Variants in DISC1 observed in about 807,000 individuals in gnomAD.
DISC1 encodes the protein disrupted in schizophrenia 1 protein.
Under a neutral mutation model 84.5 loss-of-function variants are expected in DISC1, and 57 were observed. The observed-to-expected ratio is 0.67, with a 90% confidence interval of 0.55 to 0.84. DISC1 has a LOEUF of 0.84. DISC1 is among the 40% of genes least tolerant of loss of function. The pLI is 0.00. For synonymous variants in DISC1, 411 were observed against 415.2 expected, an observed-to-expected ratio of 0.99 and a Z score of 0.12; for missense variants, 1,000 against 1,057.8, an observed-to-expected ratio of 0.95 and a Z score of 0.76.
chr1:231,818,910 A>C, intron 9 of DISC1: 1 of 1,019,734 alleles, frequency 9.8e-7, no homozygotes, highest in Non-Finnish European at 1.2e-6. Flanking sequence ...GATCTGAGAA[A>C]ATTGAGGGAA....
intron 7 of DISC1, among the ~76,000 whole-genome samples, chr1:231,798,969 G>A (rs2078982494): frequency 1.3e-5 from 2 of 151,936 alleles, no homozygotes; most frequent in African/African-American, 2.4e-5. Flanking sequence ...GATTCTTCTG[G>A]GAAATTAAAT....
At chr1:232,006,384 G>A (rs1433488911) in intron 10 of DISC1, among the ~76,000 whole-genome samples, 4 of 152,038 alleles carry the variant, frequency 2.6e-5, no homozygotes, top group African/African-American at 9.7e-5. Context: ...AGGCTGAGGT[G>A]GTATCAGATG....
intron 9 of DISC1, among the ~76,000 whole-genome samples, chr1:231,947,609 G>C (rs1299660284): frequency 6.6e-6 from 1 of 152,176 alleles, no homozygotes; most frequent in African/African-American, 2.4e-5. Context: ...TGACAAATGG[G>C]ATCTAATTAA....
chr1:231,969,572 C>T (rs991179689), intron 10 of DISC1, among the ~76,000 whole-genome samples: 1 of 147,126 alleles, frequency 6.8e-6, no homozygotes, highest in Non-Finnish European at 1.5e-5. Context: ...GAAGATACTC[C>T]AATATACTTG....
intron 1 of DISC1, among the ~76,000 whole-genome samples, chr1:231,681,061 A>G (rs1184707366): frequency 1.3e-5 from 2 of 152,336 alleles, no homozygotes; most frequent in African/African-American, 4.8e-5. Flanking sequence ...CAGTTAAAAA[A>G]TTCATTAGAG....
intron 9 of DISC1, among the ~76,000 whole-genome samples, chr1:231,936,229 C>T (rs1055560634): frequency 5.9e-5 from 9 of 152,140 alleles, no homozygotes; most frequent in South Asian, 4.1e-4. Context: ...CTTGGACATT[C>T]GGCCCAGCCA....
At chr1:231,705,930 T>G (rs2067039301) in intron 3 of DISC1, among the ~76,000 whole-genome samples, 1 of 152,164 alleles carries the variant, frequency 6.6e-6, no homozygotes, top group African/African-American at 2.4e-5. Context: ...TTTTGCTGCT[T>G]TTTTCTTTTG....
intron 9 of DISC1, among the ~76,000 whole-genome samples, chr1:231,895,549 T>C (rs980843847): frequency 1.3e-5 from 2 of 152,088 alleles, no homozygotes; most frequent in African/African-American, 2.4e-5. Context: ...TAAATTCAGA[T>C]CAATAAGGTT....
intron 1 of DISC1, among the ~76,000 whole-genome samples, chr1:231,657,614 G>A (rs1037891083): frequency 6.6e-6 from 1 of 152,044 alleles, no homozygotes. Context: ...ATAGTTTTGG[G>A]TTTTACACTT....
At chr1:231,790,102 C>A (rs1483122660) in intron 6 of DISC1, among the ~76,000 whole-genome samples, 1 of 152,088 alleles carries the variant, frequency 6.6e-6, no homozygotes, top group African/African-American at 2.4e-5. Context: ...CCCACAGTCT[C>A]CCAGTTGGGC....
intron 9 of DISC1, among the ~76,000 whole-genome samples, chr1:231,868,735 T>TATATATATATATATATATATATATATATA (rs2085244887): frequency 8.3e-6 from 1 of 120,624 alleles, no homozygotes; most frequent in Non-Finnish European, 1.7e-5. Context: ...TATATATATA[T>TATATATATATATATATATATATATATATA]TTAGCTGGGC....
chr1:231,840,227 T>C (rs2082936813), intron 9 of DISC1, among the ~76,000 whole-genome samples: 1 of 152,164 alleles, frequency 6.6e-6, no homozygotes, highest in South Asian at 2.1e-4. Context: ...AGTAGAGCCA[T>C]CTGGAAGACA....
chr1:231,709,083 T>C (rs759105553), intron 3 of DISC1, among the ~76,000 whole-genome samples: 1 of 152,150 alleles, frequency 6.6e-6, no homozygotes, highest in Non-Finnish European at 1.5e-5. Flanking sequence ...CAAAATGTCA[T>C]TTATTTAGTT....
At chr1:231,895,085 G>GT (rs201845661) in intron 9 of DISC1, among the ~76,000 whole-genome samples, 76 of 145,610 alleles carry the variant, frequency 5.2e-4, no homozygotes, top group East Asian at 1.4e-3. Flanking sequence ...TGTCCCATCT[G>GT]TTTTTTTTTT....
intron 10 of DISC1, among the ~76,000 whole-genome samples, chr1:231,995,118 C>T (rs1468399478): frequency 6.6e-6 from 1 of 151,706 alleles, no homozygotes. Context: ...AAATAGAAGA[C>T]AAAGGAATAA....
At chr1:231,787,131 G>T (rs2077936450) in intron 6 of DISC1, among the ~76,000 whole-genome samples, 1 of 152,190 alleles carries the variant, frequency 6.6e-6, no homozygotes, top group South Asian at 2.1e-4. Flanking sequence ...CTCCCTAAGG[G>T]ACAGGATCTG....
intron 1 of DISC1, among the ~76,000 whole-genome samples, chr1:231,656,995 C>T (rs1572568888): frequency 6.6e-6 from 1 of 152,186 alleles, no homozygotes; most frequent in African/African-American, 2.4e-5. Flanking sequence ...GCATAGTATT[C>T]CATAGTGTAT....
chr1:232,022,448 C>A (rs1572665116), intron 11 of DISC1, among the ~76,000 whole-genome samples: 1 of 152,094 alleles, frequency 6.6e-6, no homozygotes, highest in African/African-American at 2.4e-5. Flanking sequence ...GCCGGGACTA[C>A]AGGCCTGCAC....
intron 12 of DISC1, among the ~76,000 whole-genome samples, chr1:232,033,905 C>T (rs577017960): frequency 5.3e-5 from 8 of 152,252 alleles, no homozygotes; most frequent in East Asian, 3.9e-4. Flanking sequence ...CTCCTGAAGC[C>T]TTTTTCTAGA....
Sources: allele counts gnomAD v4.1 joint callset (sites outside exome capture counted in the v4.1 genomes callset), GRCh38; gene constraint gnomAD v4.1.1; transcripts MANE v1.5; gene names NCBI Gene and HGNC (gene_info 2026-07-23, HGNC 2026-07-21).